SDK1: variants seen among roughly 807,000 people sequenced by gnomAD.
The protein encoded by SDK1 is sidekick cell adhesion molecule 1.
A neutral mutation model predicts 245.5 loss-of-function variants in SDK1; 157 were observed. The observed-to-expected ratio is 0.64, with a 90% CI of 0.56 to 0.73. SDK1 has a LOEUF of 0.73. Among genes scored for constraint, SDK1 ranks in the 30% least tolerant of loss-of-function variants. The pLI is 0.00. For synonymous variants in SDK1, 1,647 were observed against 1,278.5 expected, an observed-to-expected ratio of 1.29 and a Z score of -6.15; for missense variants, 3,583 against 3,002.3, an observed-to-expected ratio of 1.19 and a Z score of -4.52.
rs73673652 is a variant in SDK1, at chr7:3,621,066, C to T, written c.458+1827C>T. ...CCTCCCGTAAGTGAAAAGAGAGTGA[C>T]GTAAGCGTTTGCAAAATGGGAAAGA... On this transcript the variant is annotated intron_variant, in intron 2 of 44. Transcript: ENST00000404826. 4.3e-3 allele frequency among the ~76,000 whole-genome samples: 652 copies of T among 152,138 alleles called. 3 individuals are homozygous for T. The highest frequency in any genetic ancestry group is 0.015 in the African/African-American group (627 of 41,504).
intron 1 of SDK1, among the ~76,000 whole-genome samples, chr7:3,593,552 C>T (rs1421035854): frequency 6.6e-6 from 1 of 152,194 alleles, no homozygotes; most frequent in Non-Finnish European, 1.5e-5. Context: ...TTTCCTATTG[C>T]CGTACTGCAT....
At chr7:3,924,636 C>T (rs1030586058) in intron 5 of SDK1, among the ~76,000 whole-genome samples, 1 of 152,206 alleles carries the variant, frequency 6.6e-6, no homozygotes, top group Non-Finnish European at 1.5e-5. Flanking sequence ...GGAGAAACAG[C>T]CCTTTTTCCT....
intron 1 of SDK1, among the ~76,000 whole-genome samples, chr7:3,330,309 T>C (rs1169328649): frequency 2.0e-5 from 3 of 152,244 alleles, no homozygotes; most frequent in African/African-American, 7.2e-5. Flanking sequence ...TACCAGTGTG[T>C]GAGGGTTCCA....
chr7:3,343,156 T>A (rs1350801986), intron 1 of SDK1, among the ~76,000 whole-genome samples: 1 of 152,152 alleles, frequency 6.6e-6, no homozygotes, highest in Non-Finnish European at 1.5e-5. Flanking sequence ...ACTTGGCAAG[T>A]GTACTCTTGG....
In SDK1 at chr7:3,301,783, G is replaced by A. The variant is rs1779268893; in HGVS notation, c.197G>A (p.Gly66Glu). Residue 66 changes from glycine to glutamate, a missense_variant, in exon 1 of 45, where the codon GGG (glycine) becomes GAG (glutamate). Gly to Glu is a moderately conservative substitution (Grantham distance 98). Coordinates refer to ENST00000404826, the MANE Select transcript of SDK1 (RefSeq NM_152744.4). Reference protein sequence around the residue: ...ETSGGDTAGAGRCGGRRAAKL... With the variant: ...ETSGGDTAGAERCGGRRAAKL... ...TCCGGCGGGGACACGGCGGGCGCGG[G>A]GCGGTGCGGCGGGCGGCGGGCGGCA... is the stretch of plus-strand genomic sequence containing the variant. 9.9e-7 allele frequency: 1 copy of A among 1,006,918 alleles called. No individual in the cohort carries two copies. Among genetic ancestry groups the A allele is most frequent in the Non-Finnish European group, 1.2e-6 (1 of 845,716 alleles). The allele number at this position is 1,006,918 out of a possible 1,614,324, so 62.4% of individuals were successfully genotyped here. A position where few individuals can be genotyped will look rare whatever the true frequency, so the allele number is the denominator to read the frequency against.
chr7:3,967,972 A>G (rs1583666741), intron 10 of SDK1, among the ~76,000 whole-genome samples: 1 of 152,220 alleles, frequency 6.6e-6, no homozygotes, highest in African/African-American at 2.4e-5. Flanking sequence ...AGGGAAACAC[A>G]CATTAGAAAA....
At chr7:3,361,791 T>C (rs1780960159) in intron 1 of SDK1, among the ~76,000 whole-genome samples, 1 of 152,192 alleles carries the variant, frequency 6.6e-6, no homozygotes, top group South Asian at 2.1e-4. Flanking sequence ...TGCGTTTCTA[T>C]TCTCAATCAA....
chr7:3,849,187 A>G (rs1780356996), intron 5 of SDK1, among the ~76,000 whole-genome samples: 1 of 152,150 alleles, frequency 6.6e-6, no homozygotes, highest in African/African-American at 2.4e-5. Flanking sequence ...TCTTGAACAA[A>G]TCCCCTGGCC....
In SDK1 at chr7:4,100,011, G is replaced by A. The variant is rs374982379; in HGVS notation, c.3325-10652G>A. On this transcript the variant is annotated intron_variant, in intron 22 of 44. Coordinates refer to ENST00000404826, the MANE Select transcript of SDK1 (RefSeq NM_152744.4). Reference sequence around the variant, plus strand: ...CTCAGGAGCTCAGTGTCTCTCGAACGTAGGCCCAGCCAGGCCTCATGCCCC... The same window carrying A: ...CTCAGGAGCTCAGTGTCTCTCGAACATAGGCCCAGCCAGGCCTCATGCCCC... 4.3e-3 allele frequency among the ~76,000 whole-genome samples: 660 copies of A among 152,080 alleles called. 4 individuals carry two copies. The highest frequency in any genetic ancestry group is 0.032 in the South Asian group (156 of 4,808).
intron 1 of SDK1, among the ~76,000 whole-genome samples, chr7:3,382,824 G>A (rs1230062549): frequency 6.6e-6 from 1 of 152,082 alleles, no homozygotes. Flanking sequence ...TCATTGAGTG[G>A]TAGTCCCCCA....
chr7:3,329,013 A>C lies in SDK1; in HGVS notation c.298+27129A>C, dbSNP rs928690765. Among the ~76,000 whole-genome samples, 6 of 152,264 alleles carry C rather than the reference A, an allele frequency of 3.9e-5. No homozygotes were observed. The South Asian group carries it at 1.2e-3, about 32-fold the overall frequency. Reference sequence around the variant, plus strand: ...ATTACCCAAACCAAAGGTCTCATCAATGTAGTCTTTTACGATGTTCACCGA... The same window carrying C: ...ATTACCCAAACCAAAGGTCTCATCACTGTAGTCTTTTACGATGTTCACCGA... On this transcript the variant is annotated intron_variant, in intron 1 of 44. Transcript: ENST00000404826.
intron 1 of SDK1, among the ~76,000 whole-genome samples, chr7:3,312,578 T>TA (rs542517726): frequency 2.3e-4 from 30 of 131,868 alleles, no homozygotes; most frequent in African/African-American, 4.4e-4. Context: ...TGTTTTTTTT[T>TA]AAAAAAAATA....
At position 3,301,377 on chromosome 7, in the gene SDK1, G is replaced by A. The variant is rs1009797217; in HGVS notation, c.-210G>A. 2.0e-5 allele frequency: 3 copies of A among 148,108 alleles called. No homozygotes were observed. The highest frequency in any genetic ancestry group is 7.3e-5 in the African/African-American group (3 of 40,866). 9.2% of individuals were successfully genotyped at this position (148,108 alleles called of 1,614,324 possible). ...GCGCCGGACGCGAATTTCCCCCGTT[G>A]ACAACTTCTTCTCGCCCGGCTCGTC... is the stretch of plus-strand genomic sequence containing the variant. On this transcript the variant is annotated 5_prime_UTR_variant, in exon 1 of 45. Transcript: ENST00000404826.
intron 22 of SDK1, among the ~76,000 whole-genome samples, chr7:4,093,009 T>C (rs899795106): frequency 6.6e-6 from 1 of 152,226 alleles, no homozygotes; most frequent in Non-Finnish European, 1.5e-5. Flanking sequence ...AAGAAGGTTT[T>C]ATTACTTAGA....
intron 1 of SDK1, among the ~76,000 whole-genome samples, chr7:3,394,825 T>A (rs1449953351): frequency 6.6e-6 from 1 of 152,096 alleles, no homozygotes; most frequent in Non-Finnish European, 1.5e-5. Flanking sequence ...GAAATATAAT[T>A]GATTTTTATA....
intron 4 of SDK1, among the ~76,000 whole-genome samples, chr7:3,727,814 A>C (rs1467274128): frequency 6.6e-6 from 1 of 152,114 alleles, no homozygotes; most frequent in Admixed American, 6.5e-5. Context: ...ATGAGTCACC[A>C]GGAATAAAAT....
At chr7:3,962,164 T>G (rs1053818729) in intron 8 of SDK1, among the ~76,000 whole-genome samples, 2 of 152,218 alleles carry the variant, frequency 1.3e-5, no homozygotes, top group Admixed American at 6.5e-5. Flanking sequence ...AACCTGCATG[T>G]GAGGAAACAG....
In SDK1 at chr7:3,535,774, C is replaced by A. The variant is rs900946483; in HGVS notation, c.299-83306C>A. Among the ~76,000 whole-genome samples, 4 of 152,074 alleles carry A rather than the reference C, an allele frequency of 2.6e-5. No homozygotes were observed. In the South Asian group the frequency reaches 8.3e-4, roughly 32 times the overall value. On this transcript the variant is annotated intron_variant, in intron 1 of 44. Transcript: ENST00000404826. ...ATACATGTAGTTAAAACACCACCCC[C>A]ACTCAAAATAGATTTAGGCTATATT...
intron 19 of SDK1, among the ~76,000 whole-genome samples, chr7:4,057,250 C>T (rs942051486): frequency 1.3e-5 from 2 of 152,196 alleles, no homozygotes; most frequent in African/African-American, 4.8e-5. Flanking sequence ...GACAGGCCTG[C>T]TTGGCTTGCT....
Sources: allele counts gnomAD v4.1 joint callset (sites outside exome capture counted in the v4.1 genomes callset), GRCh38; gene constraint gnomAD v4.1.1; transcripts MANE v1.5; gene names NCBI Gene and HGNC (gene_info 2026-07-23, HGNC 2026-07-21).